SORL1: variants seen among roughly 807,000 people sequenced by gnomAD.
SORL1 encodes the protein sortilin-related receptor.
A neutral mutation model predicts 273.7 loss-of-function variants in SORL1; 127 were observed. That is an observed-to-expected ratio of 0.46 (90% CI 0.40 to 0.54). The LOEUF is 0.54. SORL1 is among the 20% of genes least tolerant of loss of function. The pLI, the probability that SORL1 is intolerant of heterozygous loss-of-function variation, is 0.00. For synonymous variants in SORL1, 1,031 were observed against 1,067.4 expected, an observed-to-expected ratio of 0.97 and a Z score of 0.66; for missense variants, 2,494 against 2,846.1, an observed-to-expected ratio of 0.88 and a Z score of 2.81.
intron 8 of SORL1, among the ~76,000 whole-genome samples, chr11:121,516,737 G>A (rs1861959608): frequency 6.6e-6 from 1 of 152,000 alleles, no homozygotes; most frequent in African/African-American, 2.4e-5. Flanking sequence ...CTTCTGTTTG[G>A]TTCTTGTCGT....
At chr11:121,618,210 G>A (rs1379015801) in intron 41 of SORL1, among the ~76,000 whole-genome samples, 1 of 152,142 alleles carries the variant, frequency 6.6e-6, no homozygotes, top group Non-Finnish European at 1.5e-5. Context: ...CTTTTTCCAG[G>A]CAGCAATTCT....
chr11:121,512,396 G>A (rs969861390), intron 6 of SORL1, among the ~76,000 whole-genome samples: 2 of 152,188 alleles, frequency 1.3e-5, no homozygotes, highest in Admixed American at 6.5e-5. Flanking sequence ...GCAATGTGAT[G>A]TGGTCAACAT....
At chr11:121,586,567 C>T (rs1863113717) in intron 27 of SORL1, among the ~76,000 whole-genome samples, 2 of 151,874 alleles carry the variant, frequency 1.3e-5, no homozygotes, top group African/African-American at 2.4e-5. Flanking sequence ...GGGATTAGAT[C>T]GAACTTCAGT....
In SORL1 at chr11:121,612,820, T is replaced by C. The variant is rs1863586648; in HGVS notation, c.5407T>C (p.Leu1803=). The C allele has an allele frequency of 6.2e-7, 1 of 1,613,068 alleles. No individual in the cohort carries two copies. Among genetic ancestry groups the C allele is most frequent in the Non-Finnish European group, 8.5e-7 (1 of 1,179,052 alleles). Residue 1803 remains leucine, a synonymous_variant, in exon 40 of 48, where the codon TTG becomes CTG. Transcript: ENST00000260197. ...RRTLNFRGSI[L]SHKVGNLTAH... is the part of the protein sequence containing the mutation. Reference sequence around the variant, plus strand: ...AACTTTGAACTTCCGAGGAAGCATATTGTCACACAAAGGTAACACTTTGGT... The same window carrying C: ...AACTTTGAACTTCCGAGGAAGCATACTGTCACACAAAGGTAACACTTTGGT...
At chr11:121,622,899 A>G (rs755865334) in intron 45 of SORL1, among the ~76,000 whole-genome samples, 1 of 152,260 alleles carries the variant, frequency 6.6e-6, no homozygotes, top group Non-Finnish European at 1.5e-5. Flanking sequence ...CAGAGACAGC[A>G]AAGCCTTTGC....
intron 16 of SORL1, 110 bp from the exon 17 acceptor site, chr11:121,553,827 C>T: frequency 9.6e-7 from 1 of 1,045,246 alleles, no homozygotes; most frequent in Non-Finnish European, 1.4e-6. Context: ...GTCCACACCA[C>T]ATGCCAATGA....
At chr11:121,620,574 T>G (rs1863708896) in intron 43 of SORL1, among the ~76,000 whole-genome samples, 1 of 152,172 alleles carries the variant, frequency 6.6e-6, no homozygotes, top group African/African-American at 2.4e-5. Context: ...TTGTCATGAT[T>G]GAATTTCCTG....
At chr11:121,462,787 G>A (rs1363492607) in intron 1 of SORL1, among the ~76,000 whole-genome samples, 3 of 152,182 alleles carry the variant, frequency 2.0e-5, no homozygotes, top group African/African-American at 7.2e-5. Flanking sequence ...GTTGTGTCAT[G>A]TTGTCTAGGC....
intron 1 of SORL1, among the ~76,000 whole-genome samples, chr11:121,456,865 G>C (rs540719725): frequency 2.0e-5 from 3 of 152,190 alleles, no homozygotes; most frequent in Non-Finnish European, 2.9e-5. Flanking sequence ...GCCTCCTTTG[G>C]GGGTGGAATA....
chr11:121,452,540 G>A lies in SORL1; in HGVS notation c.209G>A (p.Ser70Asn). Residue 70 changes from serine to asparagine, a missense_variant, in exon 1 of 48, where the codon AGC becomes AAC. This residue lies in a region of SORL1 where 175 missense variants were observed against 147.1 expected (regional missense o/e 1.19). Coordinates refer to ENST00000260197, the MANE Select transcript of SORL1 (RefSeq NM_003105.6). This position sits in a 1 kb window ranked among gnomAD's most constrained non-coding sequence, Gnocchi z 5.3. ...GCGCGCGGGGATGCCAGGGGGGCGA[G>A]CCGCGCGGACGAGAAGCCGCTCCGG... ...LWARGDARGA[S>N]RADEKPLRRK... is the part of the protein sequence containing the mutation. 6.7e-7 allele frequency: 1 copy of A among 1,492,804 alleles called. No homozygotes were observed. The highest frequency in any genetic ancestry group is 2.8e-5 in the East Asian group (1 of 36,362). The allele number at this position is 1,492,804 out of a possible 1,614,324, so 92.5% of individuals were successfully genotyped here. A position where few individuals can be genotyped will look rare whatever the true frequency, so the allele number is the denominator to read the frequency against.
rs1861500155 is a variant in SORL1 at position 121,488,032 on chromosome 11, T to G, written c.529T>G (p.Tyr177Asp). Residue 177 changes from tyrosine to aspartate, a missense_variant and splice_region_variant, in exon 4 of 48, where the codon TAC becomes GAC. By Grantham distance (160) the Tyr-to-Asp change is radical. This residue lies in a region of SORL1 where 710 missense variants were observed against 882.5 expected (regional missense o/e 0.80). Transcript: ENST00000260197. ...TCAACTTACCTGTTTTCCCTTGCAG[T>G]ACATCTTTGCAGACGCTTATGCCCA... ...FYHSPADNKR[Y>D]IFADAYAQYL... The G allele has an allele frequency of 6.2e-7, 1 of 1,613,920 alleles. No homozygotes were observed. Among genetic ancestry groups the G allele is most frequent in the Admixed American group, 1.7e-5 (1 of 59,990 alleles).
In SORL1 at chr11:121,618,864, G is replaced by A; in HGVS notation, c.5695G>A (p.Val1899Ile). 1 of 1,614,156 alleles carries A rather than the reference G, an allele frequency of 6.2e-7. No individual in the cohort carries two copies. ...TTCACTCCACAACAAGACGGTCATT[G>A]TCAGTAAGGATGAGCAGTATTTGTT... ...TTSLHNKTVIVSKDEQYLFLV... is the reference protein window; with the variant it reads ...TTSLHNKTVIISKDEQYLFLV... Residue 1899 changes from valine to isoleucine, a missense_variant, in exon 42 of 48, where the codon GTC becomes ATC. Around this residue, in one of 3 missense-constraint regions of SORL1, gnomAD observed 1,609 missense variants for 1,816.4 expected, o/e 0.89. Coordinates refer to ENST00000260197, the MANE Select transcript of SORL1 (RefSeq NM_003105.6).
chr11:121,475,145 G>A (rs1861243830), intron 2 of SORL1, among the ~76,000 whole-genome samples: 1 of 152,134 alleles, frequency 6.6e-6, no homozygotes, highest in Non-Finnish European at 1.5e-5. Flanking sequence ...CTACTCAGGA[G>A]GCTGAGGTGG....
chr11:121,489,240 C>T (rs561569589), intron 4 of SORL1, among the ~76,000 whole-genome samples: 46 of 152,262 alleles, frequency 3.0e-4, no homozygotes, highest in African/African-American at 1.0e-3. Flanking sequence ...ATACTCATAA[C>T]GTACAATTTG....
At chr11:121,544,233 T>C (rs1218422536) in intron 13 of SORL1, among the ~76,000 whole-genome samples, 1 of 152,140 alleles carries the variant, frequency 6.6e-6, no homozygotes, top group African/African-American at 2.4e-5. Context: ...CTTTCCTACC[T>C]CTCAGCCTTG....
rs201992414 is a variant in SORL1, at chr11:121,555,302, G to C, written c.2555G>C (p.Gly852Ala). Reference protein sequence around the residue: ...LSQLLYWVDAGFKKIEVANPD... With the variant: ...LSQLLYWVDAAFKKIEVANPD... Reference sequence around the variant, plus strand: ...CAGCTGCTTTACTGGGTAGATGCAGGCTTCAAAAAGATTGAGGTATGTGTA... The same window carrying C: ...CAGCTGCTTTACTGGGTAGATGCAGCCTTCAAAAAGATTGAGGTATGTGTA... The change falls in exon 18 of 48, where the codon GGC becomes GCC. Residue 852 changes from glycine (G) to alanine (A), a missense_variant. Physicochemically the swap from Gly to Ala is moderately conservative, Grantham distance 60. Around this residue, in one of 3 missense-constraint regions of SORL1, gnomAD observed 1,609 missense variants for 1,816.4 expected, o/e 0.89. Coordinates refer to ENST00000260197, the MANE Select transcript of SORL1 (RefSeq NM_003105.6). The C allele has an allele frequency of 1.2e-5, 19 of 1,613,854 alleles. No homozygotes were observed. Among genetic ancestry groups the C allele is most frequent in the African/African-American group, 1.3e-5 (1 of 75,032 alleles).
intron 8 of SORL1, among the ~76,000 whole-genome samples, chr11:121,519,881 AAACC>A (rs1195700787): frequency 1.3e-5 from 2 of 152,208 alleles, no homozygotes. Flanking sequence ...TCATCATTCT[AAACC>A]CCCTGTTAGG....
chr11:121,599,807 G>A lies in SORL1; in HGVS notation c.4519+4035G>A, dbSNP rs536806660. ...AGTTCTTCGGTGTTTAGCAGGATGC[G>A]GCAGCCTTTGATAAACCTTAAAAGA... is the stretch of plus-strand genomic sequence containing the variant. On this transcript the variant is annotated intron_variant, in intron 32 of 47. Coordinates refer to ENST00000260197, the MANE Select transcript of SORL1 (RefSeq NM_003105.6). Among the ~76,000 whole-genome samples the A allele has an allele frequency of 1.7e-3, 263 of 151,814 alleles. 1 individual carries two copies. Among genetic ancestry groups the A allele is most frequent in the African/African-American group, 5.7e-3 (235 of 41,346 alleles).
intron 41 of SORL1, among the ~76,000 whole-genome samples, 162 bp from the exon 42 acceptor site, chr11:121,618,612 C>T (rs1863673304): frequency 6.6e-6 from 1 of 152,174 alleles, no homozygotes; most frequent in African/African-American, 2.4e-5. Context: ...GTGCCTGGCC[C>T]AAGTGCCTTC....
Sources: allele counts gnomAD v4.1 joint callset (sites outside exome capture counted in the v4.1 genomes callset), GRCh38; gene constraint gnomAD v4.1.1; regional missense constraint gnomAD v4.1.1; non-coding constraint Gnocchi (gnomAD v3.1); transcripts MANE v1.5; gene names NCBI Gene and HGNC (gene_info 2026-07-23, HGNC 2026-07-21).